The following CSGALNACT1 variants were observed in gnomAD, a reference collection of about 807,000 sequenced individuals.
CSGALNACT1 encodes beta4GalNAcT-1.
CSGALNACT1 carries 52 observed loss-of-function variants against 51.0 expected under a neutral mutation model. That is an observed-to-expected ratio of 1.02 (90% CI 0.82 to 1.29). The LOEUF (loss-of-function observed/expected upper bound fraction) is 1.29. Among genes scored for constraint, CSGALNACT1 ranks in the 50% most tolerant of loss-of-function variants. CSGALNACT1 has a pLI of 0.00. For missense variants in CSGALNACT1, 935 were observed against 679.2 expected (o/e 1.38, Z -4.19); for synonymous variants, 341 against 254.4 (o/e 1.34, Z -3.24).
intron 1 of CSGALNACT1, among the ~76,000 whole-genome samples, chr8:19,645,828 T>C (rs767851201): frequency 2.6e-5 from 4 of 152,048 alleles, no homozygotes; most frequent in Non-Finnish European, 5.9e-5. Context: ...TACCCACTGG[T>C]TCCCCCAGGG....
In CSGALNACT1 at chr8:19,553,582, C is replaced by CAT. The variant is rs544360926; in HGVS notation, c.-297+37576_-297+37577dup. Among the ~76,000 whole-genome samples the CAT allele has an allele frequency of 3.6e-3, 475 of 131,388 alleles. 3 individuals are homozygous for CAT. The highest frequency in any genetic ancestry group is 0.023 in the South Asian group (94 of 4,168). The allele number at this position is 131,388 out of a possible 152,430, so 86.2% of individuals were successfully genotyped here. ...CCATTTATATACAAAAAGCTCAAAC[C>CAT]ATATATATATATAAAAATACATTTA... On this transcript the variant is annotated intron_variant, in intron 3 of 9. Coordinates refer to ENST00000454498, the Ensembl canonical transcript of CSGALNACT1.
chr8:19,748,055 A>AG (rs908919048), intron 1 of CSGALNACT1, among the ~76,000 whole-genome samples: 2 of 64,646 alleles, frequency 3.1e-5, no homozygotes, highest in African/African-American at 7.1e-5. Context: ...AAACGTACTC[A>AG]AAAAAAATCT....
At position 19,429,828 on chromosome 8, in the gene CSGALNACT1, T is replaced by C. The variant is rs529293312; in HGVS notation, c.954-9310A>G. 3.3e-5 allele frequency among the ~76,000 whole-genome samples: 5 copies of C among 152,356 alleles called. No homozygotes were observed. In the East Asian group the frequency reaches 9.7e-4, roughly 29 times the overall value. ...ACTGTTTTCCACAGTGGCTGCACCA[T>C]TTTTCATTCCCAAGAGCAATAGACA... On this transcript the variant is annotated intron_variant, in intron 6 of 9. Coordinates refer to ENST00000454498, the Ensembl canonical transcript of CSGALNACT1.
At chr8:19,656,528 T>A (rs1247916491) in intron 1 of CSGALNACT1, among the ~76,000 whole-genome samples, 2 of 151,432 alleles carry the variant, frequency 1.3e-5, no homozygotes, top group African/African-American at 4.9e-5. Flanking sequence ...GAATTTACAC[T>A]TAAAACACAC....
At chr8:19,427,320 AGATT>A (rs2058920694) in intron 6 of CSGALNACT1, among the ~76,000 whole-genome samples, 1 of 152,188 alleles carries the variant, frequency 6.6e-6, no homozygotes, top group Admixed American at 6.5e-5. Flanking sequence ...CTACATCCTC[AGATT>A]GTCTTTTCTT....
At chr8:19,467,110 CTTTTTTT>C (rs10604359) in intron 4 of CSGALNACT1, among the ~76,000 whole-genome samples, 3 of 53,288 alleles carry the variant, frequency 5.6e-5, no homozygotes, top group African/African-American at 2.6e-4. Context: ...TAGCAGCTGA[CTTTTTTT>C]TTTTTTTTTT....
exon 10 of CSGALNACT1, chr8:19,405,558 A>G (rs1295918536): frequency 7.2e-6 from 5 of 691,906 alleles, no homozygotes; most frequent in Admixed American, 2.0e-5. Flanking sequence ...TGCCTTTGTC[A>G]GACACTTCAC....
At chr8:19,557,431 C>G (rs2039710928) in intron 3 of CSGALNACT1, among the ~76,000 whole-genome samples, 1 of 152,158 alleles carries the variant, frequency 6.6e-6, no homozygotes, top group African/African-American at 2.4e-5. Context: ...TCAATACATC[C>G]CAAATCCTGG....
At chr8:19,709,830 T>A (rs1479422195) in intron 1 of CSGALNACT1, among the ~76,000 whole-genome samples, 2 of 151,856 alleles carry the variant, frequency 1.3e-5, no homozygotes, top group African/African-American at 4.8e-5. Flanking sequence ...GCAGGTCAGG[T>A]AAGATTGTAA....
chr8:19,478,956 G>A (rs1012428302), intron 4 of CSGALNACT1, among the ~76,000 whole-genome samples: 1 of 152,194 alleles, frequency 6.6e-6, no homozygotes, highest in African/African-American at 2.4e-5. Context: ...CATCCAACAT[G>A]CAGAAGAAAT....
chr8:19,694,378 C>G (rs1340219334), intron 1 of CSGALNACT1, among the ~76,000 whole-genome samples: 1 of 152,244 alleles, frequency 6.6e-6, no homozygotes, highest in Non-Finnish European at 1.5e-5. Flanking sequence ...TCAAGTCTCG[C>G]ATTCCAAAAT....
intron 6 of CSGALNACT1, among the ~76,000 whole-genome samples, chr8:19,430,238 G>A (rs772468893): frequency 2.3e-4 from 35 of 151,990 alleles, no homozygotes; most frequent in Non-Finnish European, 5.0e-4. Context: ...TAGTTGCTAG[G>A]GTTTAAAAGT....
At chr8:19,496,289 G>A (rs947952993) in intron 4 of CSGALNACT1, among the ~76,000 whole-genome samples, 1 of 152,166 alleles carries the variant, frequency 6.6e-6, no homozygotes, top group Non-Finnish European at 1.5e-5. Context: ...CAGATCACGG[G>A]ATCCGAGGCT....
chr8:19,555,495 T>C (rs1379350366), intron 3 of CSGALNACT1, among the ~76,000 whole-genome samples: 1 of 152,182 alleles, frequency 6.6e-6, no homozygotes, highest in Non-Finnish European at 1.5e-5. Context: ...CTTCCCATAG[T>C]ACTTTCTGAC....
intron 6 of CSGALNACT1, among the ~76,000 whole-genome samples, chr8:19,428,825 A>ATGTGTGTG (rs59241616): frequency 1.9e-3 from 267 of 143,434 alleles, no homozygotes; most frequent in African/African-American, 2.6e-3. Context: ...AAGACATGAT[A>ATGTGTGTG]TGTGTGTGTG....
chr8:19,683,733 A>AT (rs2060798614), upstream of CSGALNACT1, among the ~76,000 whole-genome samples: 1 of 152,166 alleles, frequency 6.6e-6, no homozygotes, highest in Non-Finnish European at 1.5e-5. Flanking sequence ...TCCCAAAAGG[A>AT]TTTTTTCTAC....
chr8:19,519,735 T>C (rs1057105793), intron 3 of CSGALNACT1, among the ~76,000 whole-genome samples: 2 of 152,190 alleles, frequency 1.3e-5, no homozygotes, highest in Non-Finnish European at 2.9e-5. Context: ...TAATTAAAGC[T>C]TGTCTTCTTG....
chr8:19,456,256 G>A (rs973579455), intron 5 of CSGALNACT1, among the ~76,000 whole-genome samples: 8 of 152,176 alleles, frequency 5.3e-5, no homozygotes, highest in Non-Finnish European at 8.8e-5. Flanking sequence ...TTCAGGCCCA[G>A]GAGTCCTACA....
chr8:19,404,499 C>T (rs561215350), exon 10 of CSGALNACT1: 6 of 453,796 alleles, frequency 1.3e-5, no homozygotes, highest in South Asian at 7.8e-5. Context: ...TCGAGTAGAA[C>T]TGCTTAATTT....
Sources: gnomAD v4.1 joint callset for allele counts (sites outside exome capture counted in the v4.1 genomes callset) on GRCh38, gnomAD v4.1.1 for gene constraint, MANE v1.5 for transcripts, NCBI Gene and HGNC (gene_info 2026-07-23, HGNC 2026-07-21) for gene names.